The following C10orf90 variants were observed in gnomAD, a reference collection of about 807,000 sequenced individuals.
C10orf90 encodes (E2-independent) E3 ubiquitin-conjugating enzyme FATS.
Under a neutral mutation model 62.5 loss-of-function variants are expected in C10orf90, and 56 were observed. The observed-to-expected ratio is 0.90, with a 90% CI of 0.72 to 1.12. The LOEUF (loss-of-function observed/expected upper bound fraction) is 1.12, where lower values mean the gene tolerates loss of function less well. C10orf90 is among the 50% of genes most tolerant of loss of function. The pLI is 0.00. For synonymous variants in C10orf90, 386 were observed against 340.4 expected (o/e 1.13, Z -1.47); for missense variants, 970 against 880.4 (o/e 1.10, Z -1.29).
chr10:126,447,852 GCT>G (rs1442810541), intron 7 of C10orf90, among the ~76,000 whole-genome samples: 2 of 5,196 alleles, frequency 3.8e-4, no homozygotes, highest in Non-Finnish European at 5.2e-4. Context: ...TGTTGTTGTT[GCT>G]GCTTTTGTTT....
At chr10:126,570,427 G>C (rs1043297443) in intron 2 of C10orf90, among the ~76,000 whole-genome samples, 3 of 152,138 alleles carry the variant, frequency 2.0e-5, no homozygotes, top group Non-Finnish European at 4.4e-5. Context: ...TTATGACCCA[G>C]TTAGCACAGT....
intron 2 of C10orf90, among the ~76,000 whole-genome samples, chr10:126,579,975 C>T (rs1844712289): frequency 6.6e-6 from 1 of 152,120 alleles, no homozygotes; most frequent in Non-Finnish European, 1.5e-5. Flanking sequence ...GGTTCCTGTG[C>T]TCAGAATTCT....
chr10:126,569,575 A>G (rs1844463111), intron 2 of C10orf90, among the ~76,000 whole-genome samples: 1 of 152,210 alleles, frequency 6.6e-6, no homozygotes, highest in Non-Finnish European at 1.5e-5. Context: ...TCTTGGCAAT[A>G]CATTTTTGTA....
chr10:126,505,220 G>A (rs1862662861), intron 3 of C10orf90, 135 bp from the exon 4 acceptor site: 2 of 818,978 alleles, frequency 2.4e-6, no homozygotes, highest in East Asian at 2.7e-5. Flanking sequence ...GCTTTTTACT[G>A]CACACCTGAT....
intron 2 of C10orf90, among the ~76,000 whole-genome samples, chr10:126,595,854 G>A (rs1247241256): frequency 6.6e-6 from 1 of 152,064 alleles, no homozygotes; most frequent in Non-Finnish European, 1.5e-5. Context: ...ATCCCAGCCA[G>A]GTACCTCTTC....
intron 2 of C10orf90, among the ~76,000 whole-genome samples, chr10:126,557,390 G>A (rs1167408155): frequency 2.0e-5 from 3 of 150,918 alleles, no homozygotes; most frequent in South Asian, 2.1e-4. Flanking sequence ...TGAGGCAGGA[G>A]AATGGCGTGA....
At chr10:126,465,088 G>A in intron 4 of C10orf90, 102 bp from the exon 5 acceptor site, 4 of 1,259,696 alleles carry the variant, frequency 3.2e-6, no homozygotes, top group Non-Finnish European at 4.4e-6. Context: ...GACTTGGGGG[G>A]GAGTACAGCA....
At chr10:126,466,914 GT>G (rs1356860468) in intron 4 of C10orf90, among the ~76,000 whole-genome samples, 4 of 152,158 alleles carry the variant, frequency 2.6e-5, no homozygotes, top group African/African-American at 9.7e-5. Flanking sequence ...CATTGGTTCT[GT>G]TTAAGTACAA....
intron 1 of C10orf90, among the ~76,000 whole-genome samples, chr10:126,649,955 G>T (rs1266366476): frequency 6.6e-6 from 1 of 151,958 alleles, no homozygotes; most frequent in African/African-American, 2.4e-5. Flanking sequence ...TAAGGGAAAA[G>T]GTAGAATGGG....
intron 1 of C10orf90, among the ~76,000 whole-genome samples, chr10:126,656,134 A>C (rs1846391545): frequency 6.6e-6 from 1 of 152,196 alleles, no homozygotes. Context: ...CACACCATGG[A>C]GTGCTTACCA....
chr10:126,579,362 T>C (rs577049278), intron 2 of C10orf90, among the ~76,000 whole-genome samples: 3 of 151,474 alleles, frequency 2.0e-5, no homozygotes, highest in Admixed American at 6.6e-5. Flanking sequence ...TGCCTCAACC[T>C]CCCGAGTAGC....
chr10:126,511,538 C>T (rs1863108255), intron 3 of C10orf90, among the ~76,000 whole-genome samples: 1 of 151,788 alleles, frequency 6.6e-6, no homozygotes, highest in Non-Finnish European at 1.5e-5. Context: ...CCCTTTTCCC[C>T]ATTCTCTGAC....
At chr10:126,576,644 C>A (rs1844617129) in intron 2 of C10orf90, among the ~76,000 whole-genome samples, 1 of 121,392 alleles carries the variant, frequency 8.2e-6, no homozygotes, top group South Asian at 2.6e-4. Context: ...GCACTATTCA[C>A]CACAGCCAAG....
chr10:126,507,639 C>T (rs1862832128), intron 3 of C10orf90, among the ~76,000 whole-genome samples: 1 of 152,120 alleles, frequency 6.6e-6, no homozygotes, highest in African/African-American at 2.4e-5. Context: ...TGCTGGAAGT[C>T]CTGCCAGGTG....
rs138179652 is a variant in C10orf90, at chr10:126,643,564, G to A, written c.313+3001C>T. Among the ~76,000 whole-genome samples the A allele has an allele frequency of 1.6e-4, 24 of 152,230 alleles. No homozygotes were observed. The East Asian group carries it at 4.4e-3, about 28-fold the overall frequency. On this transcript the variant is annotated intron_variant, in intron 2 of 9. Coordinates refer to ENST00000488181, the MANE Select transcript of C10orf90 (RefSeq NM_001350921.2). ...TGACCTTGCCTCCTGACTGATGGTC[G>A]GGTCAGCATGGCGCCTGACCCAGCA...
chr10:126,613,461 G>C (rs1845479973), intron 2 of C10orf90, among the ~76,000 whole-genome samples: 1 of 152,204 alleles, frequency 6.6e-6, no homozygotes, highest in East Asian at 1.9e-4. Flanking sequence ...GCCCAGGCTT[G>C]TCTCAAACTC....
intron 3 of C10orf90, among the ~76,000 whole-genome samples, chr10:126,510,222 G>T (rs947731224): frequency 1.3e-5 from 2 of 152,128 alleles, no homozygotes; most frequent in Non-Finnish European, 2.9e-5. Flanking sequence ...ATTTAGTGGG[G>T]GTAGTGGGGG....
At position 126,441,901 on chromosome 10, in the gene C10orf90, A is replaced by C. The variant is rs145998103; in HGVS notation, c.2189-12051T>G. Among the ~76,000 whole-genome samples, 5 of 152,332 alleles carry C rather than the reference A, an allele frequency of 3.3e-5. No individual in the cohort carries two copies. In the East Asian group the frequency reaches 9.6e-4, roughly 29 times the overall value. The stretch of plus-strand genomic sequence containing the variant: ...AAAAGTGCTCTAAATCATGAAACAA[A>C]TCCTGGAAACACATCAAAACAGAAC... On this transcript the variant is annotated intron_variant, in intron 7 of 9. Coordinates refer to ENST00000488181, the MANE Select transcript of C10orf90 (RefSeq NM_001350921.2).
chr10:126,669,821 G>A (rs773019750), intron 1 of C10orf90, among the ~76,000 whole-genome samples: 2 of 151,764 alleles, frequency 1.3e-5, no homozygotes, highest in African/African-American at 4.8e-5. Context: ...ATGAAGGCAC[G>A]TCATACATAT....
Sources: allele counts gnomAD v4.1 joint callset (sites outside exome capture counted in the v4.1 genomes callset), GRCh38; gene constraint gnomAD v4.1.1; transcripts MANE v1.5; gene names NCBI Gene and HGNC (gene_info 2026-07-23, HGNC 2026-07-21).